DAB2IP: variants seen among roughly 807,000 people sequenced by gnomAD.
DAB2IP encodes disabled homolog 2-interacting protein.
Under a neutral mutation model 107.2 loss-of-function variants are expected in DAB2IP, and 28 were observed. That is an observed-to-expected ratio of 0.26 (90% CI 0.19 to 0.36). The LOEUF is 0.36. Among genes scored for constraint, DAB2IP ranks in the 10% least tolerant of loss-of-function variants. The pLI is 1.00. For missense variants in DAB2IP, 1,400 were observed against 1,644.7 expected, an observed-to-expected ratio of 0.85 and a Z score of 2.57; for synonymous variants, 755 against 706.4, an observed-to-expected ratio of 1.07 and a Z score of -1.09.
chr9:121,773,471 G>T, exon 12 of DAB2IP: 1 of 1,517,526 alleles, frequency 6.6e-7, no homozygotes, highest in Non-Finnish European at 8.8e-7. Context: ...GCCCAGAACT[G>T]AAGCCACGGG....
At position 121,782,681 on chromosome 9, in the gene DAB2IP, G is replaced by T; in HGVS notation, c.*183G>T. 2.1e-6 allele frequency: 3 copies of T among 1,429,822 alleles called. No individual in the cohort carries two copies. Among genetic ancestry groups the T allele is most frequent in the Non-Finnish European group, 2.7e-6 (3 of 1,095,850 alleles). The allele number at this position is 1,429,822 out of a possible 1,614,324, so 88.6% of individuals were successfully genotyped here. A position where few individuals can be genotyped will look rare whatever the true frequency, so the allele number is the denominator to read the frequency against. ...GGGAGCCACCAGAGACTGAAGCAGC[G>T]TGAGGCGAGGTCACCAGCCGCTCCC... On this transcript the variant is annotated 3_prime_UTR_variant, in exon 16 of 16. Coordinates refer to ENST00000408936, the Ensembl canonical transcript of DAB2IP. The surrounding 1 kb of genome is among the most constrained non-coding windows in gnomAD (Gnocchi z 6.1).
chr9:121,711,119 G>A (rs545963704), intron 3 of DAB2IP, among the ~76,000 whole-genome samples: 32 of 152,330 alleles, frequency 2.1e-4, no homozygotes, highest in African/African-American at 7.5e-4. Context: ...AGCCAGGGGT[G>A]CACTTGAAAG....
intron 1 of DAB2IP, among the ~76,000 whole-genome samples, chr9:121,669,662 G>C (rs1292348573): frequency 6.6e-6 from 1 of 152,184 alleles, no homozygotes. Context: ...GCTGTGACTG[G>C]TAAAGTAGCA....
At position 121,747,496 on chromosome 9, in the gene DAB2IP, C is replaced by T. The variant is rs539822733; in HGVS notation, c.363-9517C>T. On this transcript the variant is annotated intron_variant, in intron 3 of 15. Coordinates refer to ENST00000408936, the Ensembl canonical transcript of DAB2IP. Reference sequence around the variant, plus strand: ...CCGAGTAGCTGGGACTACAGGCGCCCGCCATCACGCCCAGCTAATTTTTTG... The same window carrying T: ...CCGAGTAGCTGGGACTACAGGCGCCTGCCATCACGCCCAGCTAATTTTTTG... Among the ~76,000 whole-genome samples, 3 of 152,160 alleles carry T rather than the reference C, an allele frequency of 2.0e-5. No individual in the cohort carries two copies. The South Asian group carries it at 6.2e-4, about 32-fold the overall frequency.
At chr9:121,627,163 ACAC>A (rs1831683818) in intron 1 of DAB2IP, among the ~76,000 whole-genome samples, 1 of 151,652 alleles carries the variant, frequency 6.6e-6, no homozygotes, top group Non-Finnish European at 1.5e-5. Context: ...ACACACACAC[ACAC>A]ACAAGCATAT....
At chr9:121,606,745 C>A (rs906363303) in intron 1 of DAB2IP, among the ~76,000 whole-genome samples, 1 of 151,440 alleles carries the variant, frequency 6.6e-6, no homozygotes, top group Non-Finnish European at 1.5e-5. Context: ...GGAGGTGGGA[C>A]CAGGGAGAAT....
chr9:121,656,054 G>A (rs189880370), intron 1 of DAB2IP, among the ~76,000 whole-genome samples: 1 of 151,488 alleles, frequency 6.6e-6, no homozygotes, highest in African/African-American at 2.4e-5. Flanking sequence ...TGTTACCCAG[G>A]CTGGAGTGCA....
rs1378305545 is a variant in DAB2IP, at chr9:121,733,278, A to T, written c.363-23735A>T. Among the ~76,000 whole-genome samples, 4 of 152,226 alleles carry T rather than the reference A, an allele frequency of 2.6e-5. No homozygotes were observed. The East Asian group carries it at 7.7e-4, about 29-fold the overall frequency. Reference sequence around the variant, plus strand: ...TAGAAAAAGCCTCTGTCGTCTGCTCAGTCTCTAGAAAGAAGAGATGTCTCC... The same window carrying T: ...TAGAAAAAGCCTCTGTCGTCTGCTCTGTCTCTAGAAAGAAGAGATGTCTCC... On this transcript the variant is annotated intron_variant, in intron 3 of 15. Transcript: ENST00000408936.
In DAB2IP at chr9:121,628,329, GC is replaced by G. The variant is rs1166791403; in HGVS notation, c.41-50343del. On this transcript the variant is annotated intron_variant, in intron 1 of 16. Transcript: ENST00000259371. The stretch of plus-strand genomic sequence containing the variant: ...CCATCCTAGTGATCCTGAGGCAGAT[GC>G]CCCCCTGCCCAGGTGTGAACAGACT... 3.3e-5 allele frequency among the ~76,000 whole-genome samples: 5 copies of G among 152,210 alleles called. 1 individual carries two copies. The highest frequency in any genetic ancestry group is 2.6e-4 in the Admixed American group (4 of 15,274).
intron 3 of DAB2IP, among the ~76,000 whole-genome samples, chr9:121,716,675 G>A (rs1455839568): frequency 6.6e-6 from 1 of 152,168 alleles, no homozygotes; most frequent in African/African-American, 2.4e-5. Context: ...GGTACCCAGT[G>A]TTCTGCTTTC....
chr9:121,578,222 C>G (rs1438328402), intron 1 of DAB2IP, among the ~76,000 whole-genome samples: 2 of 152,058 alleles, frequency 1.3e-5, no homozygotes, highest in African/African-American at 4.8e-5. Flanking sequence ...CTCTCTGGGT[C>G]TATCTCTGTC....
At position 121,620,789 on chromosome 9, in the gene DAB2IP, T is replaced by C. The variant is rs950296190; in HGVS notation, c.40+53561T>C. Among the ~76,000 whole-genome samples the C allele has an allele frequency of 8.5e-5, 13 of 152,116 alleles. 1 individual carries two copies. The highest frequency in any genetic ancestry group is 3.1e-4 in the African/African-American group (13 of 41,422). ...TCCTAACCCGGGTACCCTCCTCACCTACCAGCTCTCACCTGGGAGCCCCAC... is the reference window on the plus strand; with the variant it reads ...TCCTAACCCGGGTACCCTCCTCACCCACCAGCTCTCACCTGGGAGCCCCAC... On this transcript the variant is annotated intron_variant, in intron 1 of 16. Coordinates refer to the DAB2IP transcript ENST00000259371.
intron 1 of DAB2IP, among the ~76,000 whole-genome samples, chr9:121,621,227 C>T (rs1831452871): frequency 6.6e-6 from 1 of 152,160 alleles, no homozygotes. Context: ...TCCATGCTGC[C>T]TCCAGGGGGA....
At chr9:121,742,471 C>G (rs1468718439) in intron 3 of DAB2IP, among the ~76,000 whole-genome samples, 1 of 152,224 alleles carries the variant, frequency 6.6e-6, no homozygotes. Context: ...GTGGGCCCAG[C>G]CACTCCAGGT....
At chr9:121,783,138 C>G in exon 16 of DAB2IP, 1 of 1,074,084 alleles carries the variant, frequency 9.3e-7, no homozygotes, top group Non-Finnish European at 1.1e-6. Context: ...CACCCACCCC[C>G]TCTGAACCTG....
chr9:121,735,307 A>G (rs1309664313), intron 3 of DAB2IP, among the ~76,000 whole-genome samples: 1 of 152,134 alleles, frequency 6.6e-6, no homozygotes, highest in Non-Finnish European at 1.5e-5. Flanking sequence ...AGGGCCCAGC[A>G]GGGGATGGAA....
Position 121,701,200 on chromosome 9 carries a change from TC to T in DAB2IP, c.362+1745del, listed in dbSNP as rs1252150091. ...GTCCGGCTTCTGAGTGTGTCTGCTC[TC>T]CCGGGAGCAGGCGGCATGCATGTCA... is the stretch of plus-strand genomic sequence containing the variant. On this transcript the variant is annotated intron_variant, in intron 3 of 15. Transcript: ENST00000408936. The surrounding 1 kb of genome is among the most constrained non-coding windows in gnomAD (Gnocchi z 4.7). 6.6e-6 allele frequency among the ~76,000 whole-genome samples: 1 copy of T among 152,118 alleles called. No homozygotes were observed. The highest frequency in any genetic ancestry group is 6.5e-5 in the Admixed American group (1 of 15,288).
chr9:121,594,185 G>A (rs1420444587), intron 1 of DAB2IP, among the ~76,000 whole-genome samples: 1 of 151,654 alleles, frequency 6.6e-6, no homozygotes, highest in African/African-American at 2.4e-5. Context: ...GTAGTAGCAT[G>A]CTCTAGGTCA....
intron 2 of DAB2IP, among the ~76,000 whole-genome samples, chr9:121,681,420 C>G (rs1469915938): frequency 1.3e-5 from 2 of 152,140 alleles, no homozygotes; most frequent in Non-Finnish European, 2.9e-5. Context: ...ATTCTGTCTC[C>G]CAGGGTAGAA....
Sources: allele counts gnomAD v4.1 joint callset (sites outside exome capture counted in the v4.1 genomes callset), GRCh38; gene constraint gnomAD v4.1.1; non-coding constraint Gnocchi (gnomAD v3.1); transcripts MANE v1.5; gene names NCBI Gene and HGNC (gene_info 2026-07-23, HGNC 2026-07-21).